Variants in TCF3 observed in about 807,000 individuals in gnomAD.
TCF3 encodes the protein transcription factor 3, also known as transcription factor E2-alpha.
In TCF3, 54 loss-of-function variants were observed where a neutral mutation model predicts 72.3. That is an observed-to-expected ratio of 0.75 (90% confidence interval 0.60 to 0.94). The LOEUF (loss-of-function observed/expected upper bound fraction) is 0.94. Among genes scored for constraint, TCF3 ranks in the 40% least tolerant of loss-of-function variants. TCF3 has a pLI of 0.00. For missense variants in TCF3, 1,078 were observed against 934.4 expected (o/e 1.15, Z -2.00); for synonymous variants, 525 against 412.6 (o/e 1.27, Z -3.30).
chr19:1,626,327 G>A (rs2062870135), intron 6 of TCF3, among the ~76,000 whole-genome samples: 1 of 152,126 alleles, frequency 6.6e-6, no homozygotes, highest in South Asian at 2.1e-4. Context: ...GCACATGCCT[G>A]TAATCCCAGC....
chr19:1,619,618 G>T, intron 14 of TCF3, 144 bp from the exon 15 acceptor site: 2 of 1,332,238 alleles, frequency 1.5e-6, no homozygotes, highest in South Asian at 1.5e-5. Flanking sequence ...TCTGGCGCCC[G>T]GGAGCACACA....
intron 6 of TCF3, among the ~76,000 whole-genome samples, chr19:1,626,827 C>T (rs968272884): frequency 6.6e-6 from 1 of 152,228 alleles, no homozygotes; most frequent in African/African-American, 2.4e-5. Context: ...CAGACGGCCC[C>T]ACCTGTGACA....
In TCF3 at chr19:1,611,642, G is replaced by C; in HGVS notation, c.*65C>G. The C allele has an allele frequency of 6.4e-7, 1 of 1,558,944 alleles. No individual in the cohort carries two copies. On this transcript the variant is annotated 3_prime_UTR_variant, in exon 19 of 19. Coordinates refer to ENST00000262965, the MANE Select transcript of TCF3 (RefSeq NM_003200.5). ...ATGTGGATGAAGCCCGGGGTCTCGA[G>C]TGGCCGTTCTGGGGCCAGAGCACAG...
intron 18 of TCF3, chr19:1,612,234 T>C (rs1308944494): frequency 6.3e-7 from 1 of 1,598,072 alleles, no homozygotes. Flanking sequence ...AGCCCCAGGA[T>C]GACCTGCACG....
intron 7 of TCF3, among the ~76,000 whole-genome samples, chr19:1,625,100 G>A (rs369528716): frequency 1.3e-5 from 2 of 152,238 alleles, no homozygotes; most frequent in East Asian, 3.9e-4. Context: ...TCCTGTCTCG[G>A]CCTCCAGAGA....
chr19:1,612,700 G>C (rs1244678088), intron 18 of TCF3, among the ~76,000 whole-genome samples: 1 of 151,384 alleles, frequency 6.6e-6, no homozygotes, highest in East Asian at 1.9e-4. Context: ...GTGGGCAGCA[G>C]TGCGGGTACA....
chr19:1,651,907 G>A (rs1430309142), intron 1 of TCF3, among the ~76,000 whole-genome samples: 1 of 150,382 alleles, frequency 6.6e-6, no homozygotes, highest in African/African-American at 2.4e-5. Context: ...AAACTCCGGC[G>A]CCCGGGCCGG....
intron 7 of TCF3, 76 bp from the exon 8 acceptor site, chr19:1,624,076 C>A: frequency 6.9e-7 from 1 of 1,447,952 alleles, no homozygotes; most frequent in Non-Finnish European, 9.6e-7. Flanking sequence ...GGAGGAGAGA[C>A]CCTCACAATT....
chr19:1,622,427 T>A lies in TCF3; in HGVS notation c.550-12A>T. ...CTGGGTGGGTACACCTGCGGGCGGG[T>A]GGGCGGTGGGGGGTGCAGTCAGGAC... On this transcript the variant is annotated splice_polypyrimidine_tract_variant and intron_variant, in intron 8 of 18. Coordinates refer to ENST00000262965, the MANE Select transcript of TCF3 (RefSeq NM_003200.5). 1 of 440,436 alleles carries A rather than the reference T, an allele frequency of 2.3e-6. No individual in the cohort carries two copies. The highest frequency in any genetic ancestry group is 3.9e-6 in the Non-Finnish European group (1 of 257,380). 27.3% of individuals were successfully genotyped at this position (440,436 alleles called of 1,614,324 possible). A position where few individuals can be genotyped will look rare whatever the true frequency, so the allele number is the denominator to read the frequency against.
intron 12 of TCF3, 24 bp from the exon 13 acceptor site, chr19:1,621,070 G>T: frequency 6.6e-7 from 1 of 1,519,344 alleles, no homozygotes; most frequent in East Asian, 2.4e-5. Flanking sequence ...CAGGAGAGAT[G>T]GGCGGTCAGG....
Position 1,627,443 on chromosome 19 carries a change from A to T in TCF3, c.299-17T>A. 2 of 1,611,350 alleles carry T rather than the reference A, an allele frequency of 1.2e-6. No homozygotes were observed. The highest frequency in any genetic ancestry group is 1.7e-6 in the Non-Finnish European group (2 of 1,179,380). ...CGCTCTTGCCTGCAAGGGGAGAAGG[A>T]AGGTTAGTGGGAGGCGACCCCAAGG... On this transcript the variant is annotated splice_polypyrimidine_tract_variant and intron_variant, in intron 5 of 18. Coordinates refer to ENST00000262965, the MANE Select transcript of TCF3 (RefSeq NM_003200.5).
At chr19:1,640,809 A>AT (rs1425986744) in intron 3 of TCF3, among the ~76,000 whole-genome samples, 1 of 151,358 alleles carries the variant, frequency 6.6e-6, no homozygotes. Context: ...GTCTCAAAAA[A>AT]AAAAAAAAAG....
chr19:1,612,414 A>G, intron 18 of TCF3: 28 of 1,613,404 alleles, frequency 1.7e-5, no homozygotes, highest in Non-Finnish European at 2.4e-5. Context: ...TCCTCCAGGG[A>G]CAGCACCTCG....
intron 11 of TCF3, 140 bp from the exon 12 acceptor site, chr19:1,621,331 A>C: frequency 9.7e-7 from 1 of 1,029,474 alleles, no homozygotes; most frequent in Non-Finnish European, 1.4e-6. Flanking sequence ...TTTCTGTCTG[A>C]CCCCCTGAAA....
intron 3 of TCF3, among the ~76,000 whole-genome samples, chr19:1,642,436 G>A (rs1404702220): frequency 6.6e-6 from 1 of 152,186 alleles, no homozygotes; most frequent in Middle Eastern, 3.2e-3. Context: ...GTACCCCTGG[G>A]GGTGGCTAGG....
chr19:1,620,545 G>T (rs1434931733), intron 13 of TCF3, among the ~76,000 whole-genome samples: 2 of 152,212 alleles, frequency 1.3e-5, no homozygotes, highest in Admixed American at 6.5e-5. Flanking sequence ...TCGGACCTGG[G>T]AGCTGCTAGG....
At chr19:1,625,852 CTG>C (rs2062816930) in intron 6 of TCF3, 144 bp from the exon 7 acceptor site, 2 of 1,051,866 alleles carry the variant, frequency 1.9e-6, no homozygotes, top group East Asian at 3.3e-5. Flanking sequence ...CGGTGTTTCT[CTG>C]TGACACCTGC....
Position 1,639,295 on chromosome 19 carries a change from T to C in TCF3, c.146-6890A>G, listed in dbSNP as rs1383569904. Among the ~76,000 whole-genome samples, 5 of 152,122 alleles carry C rather than the reference T, an allele frequency of 3.3e-5. 1 individual carries two copies. Among genetic ancestry groups the C allele is most frequent in the South Asian group, 4.1e-4 (2 of 4,832 alleles). ...CTGACCTCAGAAGATCCACCTGCCT[T>C]GGCCTCCCAAAGTGCTGGGATTACA... On this transcript the variant is annotated intron_variant, in intron 3 of 18. Transcript: ENST00000262965.
chr19:1,611,643 T>A lies in TCF3; in HGVS notation c.*64A>T, dbSNP rs2060993284. The A allele has an allele frequency of 5.8e-6, 9 of 1,556,128 alleles. No homozygotes were observed. Among genetic ancestry groups the A allele is most frequent in the South Asian group, 1.2e-5 (1 of 83,540 alleles). On this transcript the variant is annotated 3_prime_UTR_variant, in exon 19 of 19. Transcript: ENST00000262965. ...TGTGGATGAAGCCCGGGGTCTCGAG[T>A]GGCCGTTCTGGGGCCAGAGCACAGG...
Sources: gnomAD v4.1 joint callset for allele counts (sites outside exome capture counted in the v4.1 genomes callset) on GRCh38, gnomAD v4.1.1 for gene constraint, MANE v1.5 for transcripts, NCBI Gene and HGNC (gene_info 2026-07-23, HGNC 2026-07-21) for gene names.